EYS: variants seen among roughly 807,000 people sequenced by gnomAD.
EYS encodes the protein EGF-like photoreceptor maintenance factor.
EYS carries 250 observed loss-of-function variants against 282.1 expected under a neutral mutation model. The observed-to-expected ratio is 0.89, with a 90% CI of 0.80 to 0.98. EYS has a LOEUF of 0.98. Among genes scored for constraint, EYS ranks in the 50% least tolerant of loss-of-function variants. The pLI is 0.00. For missense variants in EYS, 4,016 were observed against 3,709.0 expected (o/e 1.08, Z -2.15); for synonymous variants, 1,355 against 1,282.9 (o/e 1.06, Z -1.20).
intron 12 of EYS, among the ~76,000 whole-genome samples, chr6:65,127,912 ATACTT>A (rs1230523280): frequency 6.6e-6 from 1 of 152,064 alleles, no homozygotes; most frequent in African/African-American, 2.4e-5. Flanking sequence ...TGCTTGTACA[ATACTT>A]TATTTTATCT....
chr6:64,305,077 A>G (rs990437110), intron 30 of EYS, among the ~76,000 whole-genome samples: 12 of 152,348 alleles, frequency 7.9e-5, no homozygotes, highest in Admixed American at 2.6e-4. Flanking sequence ...TGGATTAAGG[A>G]AAATAAAAAG....
At chr6:64,307,712 G>T (rs1024057129) in intron 29 of EYS, among the ~76,000 whole-genome samples, 9 of 152,040 alleles carry the variant, frequency 5.9e-5, no homozygotes, top group African/African-American at 2.2e-4. Flanking sequence ...GATTTTAGCT[G>T]CTCTTGCTAC....
chr6:64,400,930 A>G (rs9345055), intron 28 of EYS, among the ~76,000 whole-genome samples: 42,135 of 151,866 alleles, frequency 0.28, 5,970 homozygotes, highest in East Asian at 0.46. Flanking sequence ...TCCACTAAAT[A>G]GAGTATGGAA....
intron 12 of EYS, among the ~76,000 whole-genome samples, chr6:65,150,070 A>G (rs1764574905): frequency 6.6e-6 from 1 of 152,002 alleles, no homozygotes; most frequent in African/African-American, 2.4e-5. Context: ...CGCCACCATG[A>G]TCCAATCACT....
At position 64,141,145 on chromosome 6, in the gene EYS, G is replaced by A. The variant is rs146319472; in HGVS notation, c.6425-59143C>T. 2.5e-3 allele frequency among the ~76,000 whole-genome samples: 377 copies of A among 151,510 alleles called. 3 individuals carry two copies. In the Middle Eastern group the frequency reaches 0.031, roughly 12 times the overall value. On this transcript the variant is annotated intron_variant, in intron 31 of 42. Coordinates refer to ENST00000503581, the MANE Select transcript of EYS (RefSeq NM_001142800.2). Reference sequence around the variant, plus strand: ...TAAATGTAGCTATGTCTCTTAATTCGTTTACACTAAGATCCTTGGTAGCAC... The same window carrying A: ...TAAATGTAGCTATGTCTCTTAATTCATTTACACTAAGATCCTTGGTAGCAC...
chr6:63,993,655 G>T (rs1449290224), intron 34 of EYS, among the ~76,000 whole-genome samples: 1 of 151,562 alleles, frequency 6.6e-6, no homozygotes, highest in African/African-American at 2.4e-5. Context: ...TCTTGAAAGA[G>T]AAAAAAGGCA....
At chr6:65,082,751 T>C (rs1373906007) in intron 12 of EYS, among the ~76,000 whole-genome samples, 1 of 152,050 alleles carries the variant, frequency 6.6e-6, no homozygotes, top group Non-Finnish European at 1.5e-5. Flanking sequence ...GTTACATTAC[T>C]ATCAGCCTGT....
chr6:65,673,389 G>T (rs1263656767), intron 1 of EYS, among the ~76,000 whole-genome samples: 3 of 152,154 alleles, frequency 2.0e-5, no homozygotes, highest in Middle Eastern at 3.4e-3. Flanking sequence ...ACAATGATTG[G>T]TGATGGCCTA....
intron 12 of EYS, among the ~76,000 whole-genome samples, chr6:65,277,990 CT>C (rs1389594684): frequency 3.1e-5 from 4 of 127,028 alleles, no homozygotes; most frequent in African/African-American, 1.1e-4. Flanking sequence ...TTCTGTCTGA[CT>C]ACCTTTTAGC....
chr6:64,002,805 TG>T lies in EYS; in HGVS notation c.6726-3623del, dbSNP rs577552746. On this transcript the variant is annotated intron_variant, in intron 33 of 42. Coordinates refer to ENST00000503581, the MANE Select transcript of EYS (RefSeq NM_001142800.2). ...CTCCTGCCTTTCCCTCCCAAAGAGC[TG>T]GGATTATAGGCATGAGCCTCTGCGC... 4.5e-3 allele frequency among the ~76,000 whole-genome samples: 684 copies of T among 152,320 alleles called. 5 individuals are homozygous for T. The highest frequency in any genetic ancestry group is 0.016 in the African/African-American group (654 of 41,566).
chr6:64,074,159 TAATAA>T (rs1771684225), intron 32 of EYS, among the ~76,000 whole-genome samples: 1 of 151,674 alleles, frequency 6.6e-6, no homozygotes, highest in African/African-American at 2.4e-5. Context: ...TTGTTTATCC[TAATAA>T]AATGATTGTC....
At chr6:64,840,818 C>A (rs1321002778) in intron 19 of EYS, among the ~76,000 whole-genome samples, 1 of 151,016 alleles carries the variant, frequency 6.6e-6, no homozygotes, top group Non-Finnish European at 1.5e-5. Flanking sequence ...TTGTCCAATA[C>A]TACAGTTTTC....
intron 19 of EYS, among the ~76,000 whole-genome samples, chr6:64,879,336 G>C (rs7771761): frequency 0.55 from 83,702 of 151,872 alleles, 23,860 homozygotes; most frequent in Non-Finnish European, 0.61. Context: ...TTTTCAGTTA[G>C]CATTTTGATG....
In EYS at chr6:64,289,808, A is replaced by C. The variant is rs116510104; in HGVS notation, c.6191+17162T>G. On this transcript the variant is annotated intron_variant, in intron 30 of 42. Transcript: ENST00000503581. Reference sequence around the variant, plus strand: ...AATAAACCTCAGGCAAACTGAGGTCATTTCTTGCTGGGGCTGAATAGTATG... The same window carrying C: ...AATAAACCTCAGGCAAACTGAGGTCCTTTCTTGCTGGGGCTGAATAGTATG... 6.1e-3 allele frequency among the ~76,000 whole-genome samples: 931 copies of C among 152,166 alleles called. 8 individuals carry two copies. Among genetic ancestry groups the C allele is most frequent in the African/African-American group, 0.021 (890 of 41,544 alleles).
chr6:63,874,196 T>A (rs1772897989), intron 35 of EYS, among the ~76,000 whole-genome samples: 1 of 152,228 alleles, frequency 6.6e-6, no homozygotes, highest in African/African-American at 2.4e-5. Flanking sequence ...GGAATCCAAT[T>A]TCAGCTTTCT....
At chr6:64,031,033 C>T (rs1694799260) in intron 33 of EYS, among the ~76,000 whole-genome samples, 1 of 152,240 alleles carries the variant, frequency 6.6e-6, no homozygotes, top group African/African-American at 2.4e-5. Context: ...CTTGGCACCT[C>T]CTCTGCCTGG....
chr6:65,479,241 C>A (rs1484840068), intron 5 of EYS, among the ~76,000 whole-genome samples: 1 of 152,132 alleles, frequency 6.6e-6, no homozygotes, highest in Non-Finnish European at 1.5e-5. Context: ...AGGAAGGAGA[C>A]ATTTTGGCAA....
chr6:65,578,484 C>G (rs1432993764), intron 2 of EYS, among the ~76,000 whole-genome samples: 4 of 151,584 alleles, frequency 2.6e-5, no homozygotes, highest in African/African-American at 4.8e-5. Flanking sequence ...TCAAAGGACA[C>G]AAAATTTCAG....
intron 29 of EYS, among the ~76,000 whole-genome samples, chr6:64,312,914 C>G (rs770858258): frequency 1.5e-5 from 2 of 132,060 alleles, no homozygotes; most frequent in Non-Finnish European, 3.4e-5. Context: ...GATAAATCCA[C>G]GAAGATGGGG....
Sources: allele counts gnomAD v4.1 joint callset (sites outside exome capture counted in the v4.1 genomes callset), GRCh38; gene constraint gnomAD v4.1.1; transcripts MANE v1.5; gene names NCBI Gene and HGNC (gene_info 2026-07-23, HGNC 2026-07-21).